ATL1: variants seen among roughly 807,000 people sequenced by gnomAD.
The protein encoded by ATL1 is atlastin GTPase 1, also known as atlastin-1.
In ATL1, 31 loss-of-function variants were observed where a neutral mutation model predicts 75.5. The observed-to-expected ratio is 0.41, with a 90% CI of 0.31 to 0.55. The LOEUF (loss-of-function observed/expected upper bound fraction) is 0.55. ATL1 is among the 20% of genes least tolerant of loss of function. The probability of loss-of-function intolerance (pLI) is 0.27; values close to 1 mark genes in which losing one functional copy is unlikely to be tolerated. For missense variants in ATL1, 405 were observed against 662.6 expected (o/e 0.61, Z 4.27); for synonymous variants, 226 against 233.3 (o/e 0.97, Z 0.28).
Position 50,628,047 on chromosome 14 carries a change from A to C in ATL1, c.1136A>C (p.Lys379Thr), listed in dbSNP as rs753650958. The change falls in exon 12 of 14, where the codon AAA (lysine) becomes ACA (threonine). Residue 379 changes from lysine (K) to threonine (T), a missense_variant. Physicochemically the swap from Lys to Thr is moderately conservative, Grantham distance 78. Around this residue, in one of 5 missense-constraint regions of ATL1, gnomAD observed 163 missense variants for 244.1 expected, o/e 0.67. Transcript: ENST00000358385. ...CTGATACAGATTTGTGGTGGTGACA[A>C]ACCATTTCTGGCCCCAAATGACTTG... is the stretch of plus-strand genomic sequence containing the variant. ...KKMEEICGGD[K>T]PFLAPNDLQT... is the part of the protein sequence containing the mutation. 2 of 1,614,090 alleles carry C rather than the reference A, an allele frequency of 1.2e-6. No homozygotes were observed. Among genetic ancestry groups the C allele is most frequent in the African/African-American group, 2.7e-5 (2 of 74,942 alleles).
chr14:50,582,560 C>T (rs1222188763), intron 1 of ATL1, among the ~76,000 whole-genome samples: 3 of 148,120 alleles, frequency 2.0e-5, no homozygotes, highest in Non-Finnish European at 4.5e-5. Flanking sequence ...CAGGCACGCA[C>T]CACCATGCCT....
At chr14:50,627,018 G>A (rs1246687838) in intron 11 of ATL1, among the ~76,000 whole-genome samples, 3 of 152,310 alleles carry the variant, frequency 2.0e-5, no homozygotes, top group Non-Finnish European at 4.4e-5. Flanking sequence ...TGAGTAAAAT[G>A]CTGTCAAATG....
chr14:50,557,853 TGGC>T (rs1189311911), upstream of ATL1, among the ~76,000 whole-genome samples: 1 of 152,284 alleles, frequency 6.6e-6, no homozygotes, highest in Non-Finnish European at 1.5e-5. Flanking sequence ...CTTGGAGAAA[TGGC>T]TATTCTAGTT....
At chr14:50,551,539 C>T (rs560447820) in intron 1 of ATL1, among the ~76,000 whole-genome samples, 11 of 152,134 alleles carry the variant, frequency 7.2e-5, no homozygotes, top group African/African-American at 1.7e-4. Context: ...GGCAGTATTA[C>T]CCTAATACCA....
At chr14:50,630,437 T>C (rs1190874185) in intron 13 of ATL1, among the ~76,000 whole-genome samples, 1 of 152,252 alleles carries the variant, frequency 6.6e-6, no homozygotes, top group Non-Finnish European at 1.5e-5. Context: ...CTGACAGTAA[T>C]ACATACCACT....
intron 1 of ATL1, among the ~76,000 whole-genome samples, chr14:50,578,629 A>G (rs1412899097): frequency 6.6e-6 from 1 of 152,178 alleles, no homozygotes; most frequent in African/African-American, 2.4e-5. Flanking sequence ...CATATTGTAC[A>G]CACTGTATTA....
At chr14:50,550,923 T>G (rs550928727) in intron 1 of ATL1, among the ~76,000 whole-genome samples, 2 of 152,172 alleles carry the variant, frequency 1.3e-5, no homozygotes, top group East Asian at 3.9e-4. Flanking sequence ...GTCATAGCAT[T>G]AAATGCTTAC....
intron 6 of ATL1, among the ~76,000 whole-genome samples, chr14:50,605,984 G>A (rs2039314164): frequency 6.6e-6 from 1 of 152,022 alleles, no homozygotes; most frequent in African/African-American, 2.4e-5. Context: ...CTCCTTTCCT[G>A]TGAAAATTTC....
At chr14:50,623,737 T>C (rs1442472968) in intron 11 of ATL1, among the ~76,000 whole-genome samples, 1 of 152,156 alleles carries the variant, frequency 6.6e-6, no homozygotes, top group African/African-American at 2.4e-5. Flanking sequence ...CTGTGATAGA[T>C]ATTATTTTCT....
intron 1 of ATL1, among the ~76,000 whole-genome samples, chr14:50,540,230 G>T (rs999011248): frequency 6.6e-6 from 1 of 152,188 alleles, no homozygotes; most frequent in Non-Finnish European, 1.5e-5. Context: ...AGGATAGGTG[G>T]TGCTATCCTA....
intron 1 of ATL1, among the ~76,000 whole-genome samples, chr14:50,575,695 A>G (rs2038999406): frequency 1.3e-5 from 2 of 152,190 alleles, no homozygotes; most frequent in South Asian, 4.1e-4. Flanking sequence ...TTTTTTCTCT[A>G]TAATGGCTGC....
chr14:50,630,732 A>G (rs964459144), intron 13 of ATL1, among the ~76,000 whole-genome samples: 5 of 152,246 alleles, frequency 3.3e-5, no homozygotes, highest in Non-Finnish European at 7.3e-5. Context: ...CGAATCAAAT[A>G]CCATTTACTA....
At chr14:50,586,946 T>TA (rs1447163106) in intron 1 of ATL1, among the ~76,000 whole-genome samples, 1 of 152,190 alleles carries the variant, frequency 6.6e-6, no homozygotes, top group African/African-American at 2.4e-5. Context: ...GAGAAAGATA[T>TA]AGAAATCCTA....
chr14:50,574,971 A>C lies in ATL1; in HGVS notation c.35-12860A>C, dbSNP rs183565446. ...TATATATATATATATATATATATAT[A>C]TATATTAGCTTTTACTAGTTATGAT... On this transcript the variant is annotated intron_variant, in intron 1 of 13. Transcript: ENST00000358385. 1.0e-3 allele frequency among the ~76,000 whole-genome samples: 136 copies of C among 129,576 alleles called. 1 individual carries two copies. The highest frequency in any genetic ancestry group is 3.8e-3 in the African/African-American group (126 of 33,008). The allele number at this position is 129,576 out of a possible 152,430, so 85.0% of individuals were successfully genotyped here. A position where few individuals can be genotyped will look rare whatever the true frequency, so the allele number is the denominator to read the frequency against.
intron 1 of ATL1, among the ~76,000 whole-genome samples, chr14:50,536,305 A>G: frequency 6.6e-6 from 1 of 152,084 alleles, no homozygotes; most frequent in Non-Finnish European, 1.5e-5. Context: ...GCATGGTGGT[A>G]CATGCCTGTA....
intron 4 of ATL1, among the ~76,000 whole-genome samples, chr14:50,592,687 G>A (rs1213499537): frequency 8.6e-5 from 13 of 151,612 alleles, no homozygotes; most frequent in African/African-American, 2.9e-4. Context: ...CGAGGCGGGC[G>A]GATCACGAGG....
chr14:50,599,468 A>G (rs1046273444), intron 6 of ATL1, among the ~76,000 whole-genome samples: 1 of 152,218 alleles, frequency 6.6e-6, no homozygotes, highest in Non-Finnish European at 1.5e-5. Context: ...CTATTGTTGA[A>G]AGTGCAGATT....
chr14:50,555,145 C>T (rs2038749924), upstream of ATL1, among the ~76,000 whole-genome samples: 1 of 152,198 alleles, frequency 6.6e-6, no homozygotes. Context: ...CCCTTTTACC[C>T]TTCTGTATGG....
At chr14:50,629,555 T>C (rs2039557896) in intron 12 of ATL1, among the ~76,000 whole-genome samples, 1 of 139,266 alleles carries the variant, frequency 7.2e-6, no homozygotes, top group Admixed American at 7.6e-5. Context: ...CACTCCAGCC[T>C]GGGCAACAAG....
Sources: gnomAD v4.1 joint callset for allele counts (sites outside exome capture counted in the v4.1 genomes callset) on GRCh38, gnomAD v4.1.1 for gene constraint, gnomAD v4.1.1 regional missense constraint, MANE v1.5 for transcripts, NCBI Gene and HGNC (gene_info 2026-07-23, HGNC 2026-07-21) for gene names.